Variants in ATP13A5 observed in about 807,000 individuals in gnomAD.
ATP13A5 encodes the protein ATPase 13A5, also known as probable cation-transporting ATPase 13A5.
A neutral mutation model predicts 150.2 loss-of-function variants in ATP13A5; 149 were observed. The observed-to-expected ratio is 0.99, with a 90% CI of 0.87 to 1.14. The LOEUF (loss-of-function observed/expected upper bound fraction) is 1.14, where lower values mean the gene tolerates loss of function less well. Ranked by LOEUF, ATP13A5 falls within the 50% of genes most tolerant of loss-of-function variation. The pLI, the probability that ATP13A5 is intolerant of heterozygous loss-of-function variation, is 0.00. For missense variants in ATP13A5, 1,383 were observed against 1,449.3 expected (o/e 0.95, Z 0.74); for synonymous variants, 497 against 522.2 (o/e 0.95, Z 0.66).
chr3:193,291,789 C>G (rs1717963690), intron 25 of ATP13A5, among the ~76,000 whole-genome samples: 1 of 152,052 alleles, frequency 6.6e-6, no homozygotes, highest in Non-Finnish European at 1.5e-5. Context: ...GTGAGGCATC[C>G]TGACTTCACA....
At chr3:193,320,369 A>T (rs952757843) in intron 16 of ATP13A5, among the ~76,000 whole-genome samples, 4 of 152,230 alleles carry the variant, frequency 2.6e-5, no homozygotes, top group African/African-American at 9.6e-5. Context: ...TGGTGGTGGA[A>T]ATCACTGAAG....
At chr3:193,375,349 AT>A (rs774214328) in intron 1 of ATP13A5, among the ~76,000 whole-genome samples, 17 of 152,308 alleles carry the variant, frequency 1.1e-4, no homozygotes, top group Admixed American at 5.2e-4. Flanking sequence ...ATCCCATTCC[AT>A]TAAGTATGGA....
chr3:193,371,663 C>T (rs1415110225), intron 1 of ATP13A5, among the ~76,000 whole-genome samples: 1 of 152,148 alleles, frequency 6.6e-6, no homozygotes, highest in Admixed American at 6.5e-5. Context: ...GTCTTAGCAA[C>T]CACTCCTTAC....
At chr3:193,337,088 G>GT (rs886168981) in intron 9 of ATP13A5, among the ~76,000 whole-genome samples, 37 of 152,180 alleles carry the variant, frequency 2.4e-4, no homozygotes, top group Non-Finnish European at 4.4e-5. Flanking sequence ...GGGGTTGTTT[G>GT]TTTTTTTCTT....
chr3:193,289,054 T>C (rs991478259), intron 26 of ATP13A5, among the ~76,000 whole-genome samples: 1 of 152,200 alleles, frequency 6.6e-6, no homozygotes, highest in Non-Finnish European at 1.5e-5. Context: ...TGCCAAATTT[T>C]TTATCTAAAT....
At chr3:193,318,701 G>T (rs1418642965) in intron 17 of ATP13A5, among the ~76,000 whole-genome samples, 1 of 152,138 alleles carries the variant, frequency 6.6e-6, no homozygotes, top group Non-Finnish European at 1.5e-5. Context: ...GATGAGAGCT[G>T]CGACTAAAGT....
At position 193,275,360 on chromosome 3, in the gene ATP13A5, C is replaced by T. The variant is rs1717144143; in HGVS notation, c.3397-58G>A. ...TTGCGCAGGTCCCCCTGCAGCCAGG[C>T]CGCTGGCCACCACAGCCACCTCCTT... On this transcript the variant is annotated intron_variant, in intron 29 of 29. Transcript: ENST00000342358. 18 of 1,577,190 alleles carry T rather than the reference C, an allele frequency of 1.1e-5. No homozygotes were observed. The Admixed American group carries it at 2.9e-4, about 26-fold the overall frequency.
intron 11 of ATP13A5, among the ~76,000 whole-genome samples, chr3:193,332,898 A>G (rs1390738571): frequency 1.3e-5 from 2 of 151,942 alleles, no homozygotes; most frequent in African/African-American, 2.4e-5. Context: ...TTTCTGCCCA[A>G]TGCTCCAGCT....
Position 193,290,040 on chromosome 3 carries a change from G to A in ATP13A5, c.2868C>T (p.Tyr956=). Residue 956 remains tyrosine (Y), a synonymous_variant, in exon 26 of 30, where the codon TAC becomes TAT. Transcript: ENST00000342358. ...CTGGTCTATATGGAGCCAGCTTTGG[G>A]TAGGCATGAGTTGAACTCACTGAAA... ...VCLTMSSTHA[Y]PKLAPYRPAG... is the part of the protein sequence containing the mutation. 1 of 1,606,134 alleles carries A rather than the reference G, an allele frequency of 6.2e-7. No individual in the cohort carries two copies.
chr3:193,350,909 T>C (rs972201266), intron 7 of ATP13A5, among the ~76,000 whole-genome samples, 158 bp downstream of exon 7: 9 of 152,204 alleles, frequency 5.9e-5, no homozygotes, highest in Non-Finnish European at 1.3e-4. Flanking sequence ...TCCCTGGTAG[T>C]CCAAAGTCCT....
At chr3:193,277,598 G>T (rs1304920048) in intron 28 of ATP13A5, 2 of 152,174 alleles carry the variant, frequency 1.3e-5, no homozygotes, top group Non-Finnish European at 2.9e-5. Flanking sequence ...GCTGATACGG[G>T]TTATTTCAAA....
At chr3:193,367,743 A>C (rs1211871476) in intron 1 of ATP13A5, among the ~76,000 whole-genome samples, 1 of 152,192 alleles carries the variant, frequency 6.6e-6, no homozygotes, top group Non-Finnish European at 1.5e-5. Context: ...ATCTCAATAG[A>C]TAGAGAAAAA....
chr3:193,292,350 C>T (rs1717997732), intron 25 of ATP13A5, among the ~76,000 whole-genome samples: 1 of 152,136 alleles, frequency 6.6e-6, no homozygotes, highest in Admixed American at 6.5e-5. Flanking sequence ...GTGCATCTGG[C>T]TTCTACCTCT....
chr3:193,274,829 C>A lies in ATP13A5; in HGVS notation c.*213G>T. 1 of 627,718 alleles carries A rather than the reference C, an allele frequency of 1.6e-6. No homozygotes were observed. Among genetic ancestry groups the A allele is most frequent in the Non-Finnish European group, 2.7e-6 (1 of 366,488 alleles). 38.9% of individuals were successfully genotyped at this position (627,718 alleles called of 1,614,324 possible). On this transcript the variant is annotated 3_prime_UTR_variant, in exon 30 of 30. Coordinates refer to ENST00000342358, the MANE Select transcript of ATP13A5 (RefSeq NM_198505.4). ...ATACAGTTTATTGAAAAGGATGATA[C>A]AGGAAATGCATTTTTTTCTCTCATT...
chr3:193,277,170 T>TAAATCATTCA (rs1717256697), intron 28 of ATP13A5, among the ~76,000 whole-genome samples: 2 of 152,184 alleles, frequency 1.3e-5, no homozygotes, highest in Admixed American at 6.5e-5. Flanking sequence ...AGGCTAAGAT[T>TAAATCATTCA]AAATCATTCA....
intron 12 of ATP13A5, among the ~76,000 whole-genome samples, chr3:193,329,429 G>C (rs1161585196): frequency 6.7e-6 from 1 of 150,330 alleles, no homozygotes; most frequent in Non-Finnish European, 1.5e-5. Context: ...GGATGTGGAG[G>C]GAGAGGTTTT....
chr3:193,360,968 C>T lies in ATP13A5; in HGVS notation c.536+1413G>A, dbSNP rs147529205. Among the ~76,000 whole-genome samples, 514 of 152,274 alleles carry T rather than the reference C, an allele frequency of 3.4e-3. 1 individual carries two copies. The highest frequency in any genetic ancestry group is 0.012 in the African/African-American group (489 of 41,540). On this transcript the variant is annotated intron_variant, in intron 5 of 29. Coordinates refer to ENST00000342358, the MANE Select transcript of ATP13A5 (RefSeq NM_198505.4). ...CTGGGATTACAGGTGTGAGCCACTG[C>T]GCCCAGTCATGGATCAGATTTAAAT...
chr3:193,348,616 G>A (rs546970316), intron 7 of ATP13A5, among the ~76,000 whole-genome samples: 1 of 152,190 alleles, frequency 6.6e-6, no homozygotes, highest in East Asian at 1.9e-4. Flanking sequence ...CATGATTTGG[G>A]GCCCCAGTAG....
chr3:193,306,513 C>T (rs1021040824), intron 22 of ATP13A5, among the ~76,000 whole-genome samples: 1 of 152,098 alleles, frequency 6.6e-6, no homozygotes, highest in African/African-American at 2.4e-5. Context: ...TAGCTATAAA[C>T]ACAGTTTTCA....
Sources: gnomAD v4.1 joint callset for allele counts (sites outside exome capture counted in the v4.1 genomes callset) on GRCh38, gnomAD v4.1.1 for gene constraint, MANE v1.5 for transcripts, NCBI Gene and HGNC (gene_info 2026-07-23, HGNC 2026-07-21) for gene names.